Variants in NBEA observed in about 807,000 individuals in gnomAD.
NBEA encodes lysosomal-trafficking regulator 2.
Under a neutral mutation model 343.4 loss-of-function variants are expected in NBEA, and 44 were observed. The observed-to-expected ratio is 0.13, with a 90% CI of 0.10 to 0.16. The LOEUF is 0.16. Ranked by LOEUF, NBEA falls within the 10% of genes least tolerant of loss-of-function variation. NBEA has a pLI of 1.00. For synonymous variants in NBEA, 1,175 were observed against 1,238.7 expected, an observed-to-expected ratio of 0.95 and a Z score of 1.08; for missense variants, 2,555 against 3,631.3, an observed-to-expected ratio of 0.70 and a Z score of 7.62.
In NBEA at chr13:35,211,441, T is replaced by C. The variant is rs183555433; in HGVS notation, c.5648+262T>C. Among the ~76,000 whole-genome samples, 229 of 152,280 alleles carry C rather than the reference T, an allele frequency of 1.5e-3. 1 individual carries two copies. The highest frequency in any genetic ancestry group is 5.4e-3 in the African/African-American group (223 of 41,580). On this transcript the variant is annotated intron_variant, in intron 33 of 58. Coordinates refer to ENST00000379939, the MANE Select transcript of NBEA (RefSeq NM_001385012.1). ...CACTGTCATTTAGTGCATGTTACTA[T>C]TTCCGGTAAAGGTTAAAACATGTAC...
At chr13:35,353,360 A>G (rs1406058525) in intron 38 of NBEA, among the ~76,000 whole-genome samples, 1 of 151,994 alleles carries the variant, frequency 6.6e-6, no homozygotes, top group Admixed American at 6.6e-5. Flanking sequence ...GCTTGAACCC[A>G]GGAGGCAGAG....
intron 10 of NBEA, among the ~76,000 whole-genome samples, chr13:35,074,322 A>C (rs368353247): frequency 6.6e-6 from 1 of 152,174 alleles, no homozygotes; most frequent in South Asian, 2.1e-4. Context: ...TATTGAGTAC[A>C]TATTTTTCTT....
chr13:35,374,312 A>G (rs2041622502), intron 38 of NBEA, among the ~76,000 whole-genome samples: 1 of 152,222 alleles, frequency 6.6e-6, no homozygotes, highest in Non-Finnish European at 1.5e-5. Flanking sequence ...ACAGTTAGAT[A>G]TGGGCAACAT....
intron 41 of NBEA, among the ~76,000 whole-genome samples, chr13:35,484,452 G>C (rs2076239689): frequency 6.6e-6 from 1 of 151,918 alleles, no homozygotes; most frequent in East Asian, 1.9e-4. Context: ...GGCAATTTCA[G>C]TTCTTCATTT....
Position 35,565,456 on chromosome 13 carries a change from G to T in NBEA, c.6923-1449G>T, listed in dbSNP as rs111612539. Among the ~76,000 whole-genome samples the T allele has an allele frequency of 9.2e-5, 14 of 151,800 alleles. 1 individual carries two copies. The highest frequency in any genetic ancestry group is 3.9e-4 in the Admixed American group (6 of 15,236). On this transcript the variant is annotated intron_variant, in intron 44 of 58. Coordinates refer to ENST00000379939, the MANE Select transcript of NBEA (RefSeq NM_001385012.1). ...TCATTTAATGTAATTTCCTGATGAT[G>T]AACAAGATAATATCTGCATATCTAT... is the stretch of plus-strand genomic sequence containing the variant.
At chr13:35,208,671 G>C (rs2073563958) in intron 31 of NBEA, 29 bp from the exon 32 acceptor site, 2 of 1,520,620 alleles carry the variant, frequency 1.3e-6, no homozygotes, top group Admixed American at 2.0e-5. Context: ...CCTCATGTTT[G>C]TTATTTTCAA....
intron 38 of NBEA, among the ~76,000 whole-genome samples, chr13:35,383,801 G>GT (rs1566057116): frequency 6.6e-6 from 1 of 152,006 alleles, no homozygotes; most frequent in African/African-American, 2.4e-5. Flanking sequence ...AATAATGTTG[G>GT]TAAAATTTTT....
In NBEA at chr13:35,604,684, C is replaced by T. The variant is rs766092345; in HGVS notation, c.7297-1742C>T. Among the ~76,000 whole-genome samples, 13 of 152,148 alleles carry T rather than the reference C, an allele frequency of 8.5e-5. No individual in the cohort carries two copies. In the South Asian group the frequency reaches 1.0e-3, roughly 12 times the overall value. On this transcript the variant is annotated intron_variant, in intron 47 of 58. Transcript: ENST00000379939. ...AGCGTATCCTTCATTAAACTTTTCT[C>T]ATCCATCTGGCCTCATATACCTCCC...
At chr13:35,325,433 A>G (rs2038479954) in intron 36 of NBEA, among the ~76,000 whole-genome samples, 2 of 152,044 alleles carry the variant, frequency 1.3e-5, no homozygotes, top group African/African-American at 4.8e-5. Flanking sequence ...TATTATTTAA[A>G]GAATAAATAA....
intron 1 of NBEA, among the ~76,000 whole-genome samples, chr13:35,023,712 A>C (rs1335531860): frequency 1.3e-5 from 2 of 152,226 alleles, no homozygotes; most frequent in Non-Finnish European, 2.9e-5. Context: ...AGTGGTCACA[A>C]AGTAGAACAT....
intron 10 of NBEA, among the ~76,000 whole-genome samples, chr13:35,073,633 G>A (rs1261794656): frequency 6.6e-6 from 1 of 151,946 alleles, no homozygotes; most frequent in African/African-American, 2.4e-5. Flanking sequence ...TTTATATAGG[G>A]GATTTAGAAT....
chr13:35,434,922 G>A (rs1051769602), intron 39 of NBEA, among the ~76,000 whole-genome samples: 2 of 152,126 alleles, frequency 1.3e-5, no homozygotes, highest in Non-Finnish European at 2.9e-5. Flanking sequence ...AACAGATTTT[G>A]TACTGCCAAG....
chr13:35,257,430 CT>C, intron 34 of NBEA, among the ~76,000 whole-genome samples: 1 of 152,220 alleles, frequency 6.6e-6, no homozygotes, highest in African/African-American at 2.4e-5. Flanking sequence ...AGTCACCTAA[CT>C]TTGATCACAA....
intron 41 of NBEA, among the ~76,000 whole-genome samples, chr13:35,494,159 A>G (rs2152975586): frequency 6.6e-6 from 1 of 152,150 alleles, no homozygotes; most frequent in South Asian, 2.1e-4. Context: ...TAATCACTTT[A>G]AATGAATTCA....
At chr13:35,208,438 C>G (rs908852136) in intron 31 of NBEA, among the ~76,000 whole-genome samples, 1 of 152,016 alleles carries the variant, frequency 6.6e-6, no homozygotes, top group Admixed American at 6.6e-5. Flanking sequence ...GATCACAGTC[C>G]ATTTGCCATC....
At chr13:35,294,242 A>T (rs565978345) in intron 35 of NBEA, among the ~76,000 whole-genome samples, 1 of 151,924 alleles carries the variant, frequency 6.6e-6, no homozygotes, top group Non-Finnish European at 1.5e-5. Flanking sequence ...ACAACTAAAG[A>T]ACAATCTTTT....
At chr13:35,080,808 G>C (rs1007076015) in intron 10 of NBEA, among the ~76,000 whole-genome samples, 3 of 152,142 alleles carry the variant, frequency 2.0e-5, no homozygotes, top group Non-Finnish European at 2.9e-5. Context: ...GTGGAAGTCA[G>C]GCATGAGACA....
chr13:35,213,981 CATAG>C (rs1460579548), intron 33 of NBEA, among the ~76,000 whole-genome samples: 1 of 151,946 alleles, frequency 6.6e-6, no homozygotes, highest in Non-Finnish European at 1.5e-5. Flanking sequence ...AAGGTTTTCA[CATAG>C]ATAGAATCGA....
intron 40 of NBEA, among the ~76,000 whole-genome samples, chr13:35,458,484 G>A (rs1040351822): frequency 2.0e-5 from 3 of 152,268 alleles, no homozygotes; most frequent in Middle Eastern, 3.4e-3. Flanking sequence ...GATAATTATT[G>A]AGTTAGTTTA....
Sources: allele counts gnomAD v4.1 joint callset (sites outside exome capture counted in the v4.1 genomes callset), GRCh38; gene constraint gnomAD v4.1.1; transcripts MANE v1.5; gene names NCBI Gene and HGNC (gene_info 2026-07-23, HGNC 2026-07-21).